The following ST6GALNAC5 variants were observed in gnomAD, a reference collection of about 807,000 sequenced individuals.
ST6GALNAC5 encodes alpha-N-acetylgalactosaminide alpha-2,6-sialyltransferase 5.
In ST6GALNAC5, 27 loss-of-function variants were observed where a neutral mutation model predicts 33.6. The ratio of observed to expected loss-of-function variants is 0.80; its 90% CI spans 0.59 to 1.11. ST6GALNAC5 has a LOEUF of 1.11. ST6GALNAC5 is among the 50% of genes least tolerant of loss of function. ST6GALNAC5 has a pLI of 0.00. For synonymous variants in ST6GALNAC5, 194 were observed against 171.2 expected (o/e 1.13, Z -1.04); for missense variants, 428 against 454.0 (o/e 0.94, Z 0.52).
intron 2 of ST6GALNAC5, among the ~76,000 whole-genome samples, chr1:76,900,840 A>T (rs1257697276): frequency 6.6e-6 from 1 of 152,216 alleles, no homozygotes; most frequent in African/African-American, 2.4e-5. Flanking sequence ...CATAGTTTTA[A>T]TCACATTGAT....
At chr1:76,935,822 C>G (rs1353340274) in intron 2 of ST6GALNAC5, among the ~76,000 whole-genome samples, 4 of 151,952 alleles carry the variant, frequency 2.6e-5, no homozygotes, top group African/African-American at 9.7e-5. Flanking sequence ...TATTAAATGC[C>G]TGCAAAGTCC....
intron 1 of ST6GALNAC5, 60 bp downstream of exon 1, chr1:76,867,750 C>A: frequency 6.2e-7 from 1 of 1,613,332 alleles, no homozygotes; most frequent in South Asian, 1.1e-5. Context: ...TCAGGGTCCA[C>A]GGGACGCACC....
chr1:76,944,265 G>A (rs1362902091), intron 2 of ST6GALNAC5, among the ~76,000 whole-genome samples: 1 of 152,020 alleles, frequency 6.6e-6, no homozygotes, highest in East Asian at 1.9e-4. Flanking sequence ...AGAATAGATG[G>A]TTATTATACC....
intron 2 of ST6GALNAC5, among the ~76,000 whole-genome samples, chr1:76,895,571 T>C (rs1468862918): frequency 1.3e-5 from 2 of 148,850 alleles, no homozygotes; most frequent in African/African-American, 2.5e-5. Context: ...GACATCAGAT[T>C]AGAGAGTGCC....
At chr1:76,912,052 G>A (rs1188969887) in intron 2 of ST6GALNAC5, among the ~76,000 whole-genome samples, 1 of 151,940 alleles carries the variant, frequency 6.6e-6, no homozygotes, top group Non-Finnish European at 1.5e-5. Context: ...GCTTTCTCTT[G>A]TGGGCAGTTA....
At chr1:77,023,901 T>G (rs1651143022) in intron 2 of ST6GALNAC5, among the ~76,000 whole-genome samples, 1 of 152,168 alleles carries the variant, frequency 6.6e-6, no homozygotes, top group Admixed American at 6.5e-5. Context: ...GTGCTGATGC[T>G]GGCAGATTAA....
intron 2 of ST6GALNAC5, among the ~76,000 whole-genome samples, chr1:76,889,569 T>C (rs540494051): frequency 3.9e-5 from 6 of 152,278 alleles, no homozygotes; most frequent in African/African-American, 1.4e-4. Context: ...CCATCATTGT[T>C]GATATTGAGT....
intron 2 of ST6GALNAC5, among the ~76,000 whole-genome samples, chr1:76,957,205 C>T (rs1016908448): frequency 5.3e-5 from 8 of 152,254 alleles, no homozygotes; most frequent in African/African-American, 1.9e-4. Context: ...GAGGTATTGG[C>T]AGGGCCATGC....
Position 76,893,730 on chromosome 1 carries a change from G to A in ST6GALNAC5, c.261+24988G>A, listed in dbSNP as rs545779810. On this transcript the variant is annotated intron_variant, in intron 2 of 4. Transcript: ENST00000477717. The stretch of plus-strand genomic sequence containing the variant: ...GGCTAGATTGCAGTGGCGCGATCTC[G>A]GCTCACTGCAACCTCTGCCTCCCGG... Among the ~76,000 whole-genome samples, 218 of 152,176 alleles carry A rather than the reference G, an allele frequency of 1.4e-3. 2 individuals are homozygous for A. Among genetic ancestry groups the A allele is most frequent in the South Asian group, 3.5e-3 (17 of 4,812 alleles).
intron 4 of ST6GALNAC5, among the ~76,000 whole-genome samples, chr1:77,053,182 T>C (rs563490228): frequency 6.6e-6 from 1 of 152,332 alleles, no homozygotes; most frequent in African/African-American, 2.4e-5. Flanking sequence ...TTCCCTCTTT[T>C]ATCTTTATTT....
Position 76,947,904 on chromosome 1 carries a change from T to A in ST6GALNAC5, c.261+79162T>A, listed in dbSNP as rs184465141. Among the ~76,000 whole-genome samples the A allele has an allele frequency of 3.3e-5, 5 of 152,172 alleles. No homozygotes were observed. The East Asian group carries it at 7.8e-4, about 24-fold the overall frequency. The stretch of plus-strand genomic sequence containing the variant: ...AGAGGATTGCCAGACAAATGCAAAC[T>A]TTTTTTATCCTGCAGAAGTTTCCTG... On this transcript the variant is annotated intron_variant, in intron 2 of 4. Coordinates refer to ENST00000477717, the MANE Select transcript of ST6GALNAC5 (RefSeq NM_030965.3).
rs76597604 is a variant in ST6GALNAC5, at chr1:76,868,110, C to G, written c.16-387C>G. ...TGCAAGGATCGCAAGGATCCAGGGC[C>G]CCAGGAAAGGAGGGGTGTGAAGGAC... On this transcript the variant is annotated intron_variant, in intron 1 of 4. Transcript: ENST00000477717. The surrounding 1 kb of genome is among the most constrained non-coding windows in gnomAD (Gnocchi z 4.3). Among the ~76,000 whole-genome samples the G allele has an allele frequency of 5.3e-3, 814 of 152,292 alleles. 6 individuals are homozygous for G. Among genetic ancestry groups the G allele is most frequent in the African/African-American group, 0.019 (779 of 41,562 alleles).
intron 2 of ST6GALNAC5, among the ~76,000 whole-genome samples, chr1:76,962,205 T>C (rs555477262): frequency 6.6e-6 from 1 of 152,326 alleles, no homozygotes; most frequent in South Asian, 2.1e-4. Flanking sequence ...GGAAGAAGAT[T>C]GAACAAAACA....
chr1:76,975,806 T>C (rs1648986718), intron 2 of ST6GALNAC5, among the ~76,000 whole-genome samples: 1 of 151,804 alleles, frequency 6.6e-6, no homozygotes, highest in Non-Finnish European at 1.5e-5. Flanking sequence ...AAAAACAGAG[T>C]GGGACTGGGC....
At position 76,867,747 on chromosome 1, in the gene ST6GALNAC5, C is replaced by T. The variant is rs576506278; in HGVS notation, c.15+57C>T. ...AGAGGGGGATCCCCGGGCTCAGGGTCCACGGGACGCACCGTGGAGACTCCG... is the reference window on the plus strand; with the variant it reads ...AGAGGGGGATCCCCGGGCTCAGGGTTCACGGGACGCACCGTGGAGACTCCG... On this transcript the variant is annotated intron_variant, in intron 1 of 4. Coordinates refer to ENST00000477717, the MANE Select transcript of ST6GALNAC5 (RefSeq NM_030965.3). 37 of 1,613,622 alleles carry T rather than the reference C, an allele frequency of 2.3e-5. No individual in the cohort carries two copies. The East Asian group carries it at 6.9e-4, about 30-fold the overall frequency.
At chr1:76,950,175 G>A (rs933483723) in intron 2 of ST6GALNAC5, among the ~76,000 whole-genome samples, 2 of 152,110 alleles carry the variant, frequency 1.3e-5, no homozygotes, top group Non-Finnish European at 2.9e-5. Flanking sequence ...ACGGTATGAA[G>A]GACTGAGATG....
chr1:76,875,375 A>C (rs542059834), intron 2 of ST6GALNAC5, among the ~76,000 whole-genome samples: 1 of 152,162 alleles, frequency 6.6e-6, no homozygotes, highest in South Asian at 2.1e-4. Context: ...CCTAATGGAC[A>C]CCCTAAAGGA....
At chr1:76,950,668 A>C (rs1349412471) in intron 2 of ST6GALNAC5, among the ~76,000 whole-genome samples, 4 of 152,110 alleles carry the variant, frequency 2.6e-5, no homozygotes, top group Non-Finnish European at 4.4e-5. Flanking sequence ...AACTCAAAGA[A>C]AGGGATGTAT....
chr1:76,982,861 C>T (rs1374197439), intron 2 of ST6GALNAC5, among the ~76,000 whole-genome samples: 1 of 152,062 alleles, frequency 6.6e-6, no homozygotes, highest in Non-Finnish European at 1.5e-5. Context: ...CAATATTCAA[C>T]ATTCTTAAAG....
Sources: gnomAD v4.1 joint callset for allele counts (sites outside exome capture counted in the v4.1 genomes callset) on GRCh38, gnomAD v4.1.1 for gene constraint, Gnocchi (gnomAD v3.1) non-coding constraint, MANE v1.5 for transcripts, NCBI Gene and HGNC (gene_info 2026-07-23, HGNC 2026-07-21) for gene names.